The following EML6 variants were observed in gnomAD, a reference collection of about 807,000 sequenced individuals.
EML6 encodes echinoderm microtubule-associated protein-like 6.
EML6 carries 154 observed loss-of-function variants against 240.1 expected under a neutral mutation model. That is an observed-to-expected ratio of 0.64 (90% CI 0.56 to 0.73). The LOEUF (loss-of-function observed/expected upper bound fraction) is 0.73, where lower values mean the gene tolerates loss of function less well. Among genes scored for constraint, EML6 ranks in the 30% least tolerant of loss-of-function variants. EML6 has a pLI of 0.00. For missense variants in EML6, 2,964 were observed against 2,474.6 expected (o/e 1.20, Z -4.20); for synonymous variants, 1,148 against 899.0 (o/e 1.28, Z -4.95).
chr2:54,872,803 G>A (rs1338633681), intron 16 of EML6, among the ~76,000 whole-genome samples: 5 of 152,124 alleles, frequency 3.3e-5, no homozygotes, highest in Non-Finnish European at 5.9e-5. Context: ...CGCCCTTTAA[G>A]GTCAAGCTGG....
At position 54,937,023 on chromosome 2, in the gene EML6, T is replaced by C. The variant is rs1047340644; in HGVS notation, c.4004+8272T>C. On this transcript the variant is annotated intron_variant, in intron 28 of 41. Transcript: ENST00000356458. ...GGCCGGGCACAGTGGCTCACGCCTG[T>C]AATCCCAGCACTGTGGGAGGCGGAG... is the stretch of plus-strand genomic sequence containing the variant. Among the ~76,000 whole-genome samples the C allele has an allele frequency of 2.7e-5, 4 of 148,570 alleles. 1 individual carries two copies. The highest frequency in any genetic ancestry group is 1.0e-4 in the African/African-American group (4 of 40,196).
intron 20 of EML6, 113 bp downstream of exon 20, chr2:54,895,139 A>G (rs1672695212): frequency 1.5e-6 from 2 of 1,313,452 alleles, no homozygotes; most frequent in South Asian, 1.4e-5. Flanking sequence ...TTCCATGTTT[A>G]GAACTCTCTT....
At chr2:54,957,744 C>T (rs1676298267) in intron 32 of EML6, 46 bp from the exon 33 acceptor site, 2 of 1,530,070 alleles carry the variant, frequency 1.3e-6, no homozygotes, top group Admixed American at 2.0e-5. Flanking sequence ...CCCGGCCTGG[C>T]CCATGAAGCA....
chr2:54,863,759 T>G (rs1004506053), intron 12 of EML6, 24 bp from the exon 13 acceptor site: 40 of 1,347,754 alleles, frequency 3.0e-5, no homozygotes, highest in Non-Finnish European at 4.0e-5. Context: ...TTTTGCTTGT[T>G]TCTTGTGGGT....
At chr2:54,772,027 T>C (rs574187087) in intron 2 of EML6, among the ~76,000 whole-genome samples, 1 of 152,328 alleles carries the variant, frequency 6.6e-6, no homozygotes, top group East Asian at 1.9e-4. Context: ...CACTAAATAG[T>C]CTCTGAAATG....
intron 5 of EML6, among the ~76,000 whole-genome samples, chr2:54,822,178 GA>G (rs1668364567): frequency 6.6e-6 from 1 of 151,990 alleles, no homozygotes; most frequent in Non-Finnish European, 1.5e-5. Context: ...TCTAATTAAG[GA>G]ACACAAATTT....
chr2:54,796,703 GA>G lies in EML6; in HGVS notation c.198-16525del, dbSNP rs572330384. Among the ~76,000 whole-genome samples the G allele has an allele frequency of 1.9e-4, 29 of 152,268 alleles. No homozygotes were observed. In the East Asian group the frequency reaches 5.4e-3, roughly 28 times the overall value. ...GGGATTTAAGCATACTAGGCATCCA[GA>G]AAAGGTTATGGGGATCTACAAAGCG... On this transcript the variant is annotated intron_variant, in intron 2 of 41. Transcript: ENST00000356458.
intron 2 of EML6, among the ~76,000 whole-genome samples, chr2:54,749,158 T>C (rs1219404726): frequency 1.3e-5 from 2 of 152,230 alleles, no homozygotes; most frequent in Admixed American, 6.5e-5. Flanking sequence ...TCTGCTCTTA[T>C]ATCACATTAG....
intron 2 of EML6, among the ~76,000 whole-genome samples, chr2:54,803,440 T>G (rs1015488106): frequency 2.0e-5 from 3 of 152,182 alleles, no homozygotes; most frequent in Admixed American, 6.5e-5. Context: ...TATCTTTGCC[T>G]CATACCTTCG....
intron 2 of EML6, among the ~76,000 whole-genome samples, chr2:54,736,883 A>G (rs916427449): frequency 6.6e-6 from 1 of 152,216 alleles, no homozygotes; most frequent in Non-Finnish European, 1.5e-5. Context: ...GAAACAGACC[A>G]ATGCAAATTG....
intron 28 of EML6, among the ~76,000 whole-genome samples, chr2:54,929,344 C>T (rs1200538816): frequency 6.6e-6 from 1 of 152,096 alleles, no homozygotes. Context: ...TGGGGCTTTT[C>T]AATGTGCTGT....
chr2:54,950,434 TG>T (rs1675915729), intron 29 of EML6, among the ~76,000 whole-genome samples: 1 of 152,244 alleles, frequency 6.6e-6, no homozygotes. Context: ...TGATTCTGTG[TG>T]TTAGACTGCC....
chr2:54,917,783 C>G (rs560814913), intron 26 of EML6, among the ~76,000 whole-genome samples: 5 of 152,138 alleles, frequency 3.3e-5, no homozygotes, highest in Admixed American at 6.5e-5. Flanking sequence ...TTTTTCCAGC[C>G]TAACCTTTCT....
intron 2 of EML6, among the ~76,000 whole-genome samples, chr2:54,744,708 G>A (rs775822341): frequency 6.6e-6 from 1 of 151,980 alleles, no homozygotes; most frequent in Non-Finnish European, 1.5e-5. Context: ...GAGAGGGACC[G>A]AGGAGGAGGA....
chr2:54,884,009 C>T (rs555196328), intron 17 of EML6, among the ~76,000 whole-genome samples: 5 of 152,198 alleles, frequency 3.3e-5, no homozygotes, highest in East Asian at 1.9e-4. Context: ...TGTGACCAAA[C>T]TTGTGGGGAT....
At chr2:54,863,492 G>C (rs1368309261) in intron 12 of EML6, among the ~76,000 whole-genome samples, 1 of 152,112 alleles carries the variant, frequency 6.6e-6, no homozygotes, top group Non-Finnish European at 1.5e-5. Context: ...CTGCGTTCCA[G>C]CCTAGGAGAC....
intron 24 of EML6, 35 bp downstream of exon 24, chr2:54,903,537 T>A: frequency 6.6e-7 from 1 of 1,525,156 alleles, no homozygotes; most frequent in Non-Finnish European, 8.8e-7. Context: ...ATAGAATTTC[T>A]GTGTTTAAAA....
chr2:54,920,726 A>G (rs778416512), intron 26 of EML6, among the ~76,000 whole-genome samples: 1 of 152,208 alleles, frequency 6.6e-6, no homozygotes, highest in East Asian at 1.9e-4. Flanking sequence ...CTACAGGCCA[A>G]TATGCCTGAT....
At chr2:54,828,805 T>G (rs1006471951) in intron 6 of EML6, among the ~76,000 whole-genome samples, 6 of 152,234 alleles carry the variant, frequency 3.9e-5, no homozygotes, top group Non-Finnish European at 8.8e-5. Flanking sequence ...TAAAACTATT[T>G]CCCATGTGAA....
Sources: allele counts gnomAD v4.1 joint callset (sites outside exome capture counted in the v4.1 genomes callset), GRCh38; gene constraint gnomAD v4.1.1; transcripts MANE v1.5; gene names NCBI Gene and HGNC (gene_info 2026-07-23, HGNC 2026-07-21).